CTNNA2: variants seen among roughly 807,000 people sequenced by gnomAD.
CTNNA2 encodes catenin alpha-2.
A neutral mutation model predicts 101.0 loss-of-function variants in CTNNA2; 42 were observed. The ratio of observed to expected loss-of-function variants is 0.42; its 90% confidence interval spans 0.32 to 0.54. The LOEUF (loss-of-function observed/expected upper bound fraction) is 0.54. Ranked by LOEUF, CTNNA2 falls within the 20% of genes least tolerant of loss-of-function variation. CTNNA2 has a pLI of 0.14. For synonymous variants in CTNNA2, 450 were observed against 456.4 expected (o/e 0.99, Z 0.18); for missense variants, 871 against 1,223.1 (o/e 0.71, Z 4.29).
upstream of CTNNA2, among the ~76,000 whole-genome samples, chr2:79,508,911 T>C (rs1671469432): frequency 7.1e-6 from 1 of 139,972 alleles, no homozygotes; most frequent in African/African-American, 2.7e-5. Flanking sequence ...CCCAAAACAC[T>C]CATTCTGTTT....
At chr2:80,473,979 T>C (rs1685515950) in intron 9 of CTNNA2, among the ~76,000 whole-genome samples, 1 of 152,200 alleles carries the variant, frequency 6.6e-6, no homozygotes, top group African/African-American at 2.4e-5. Flanking sequence ...TGTCTTACAT[T>C]CCTGCCCAGC....
At chr2:80,420,265 G>A (rs978643293) in intron 9 of CTNNA2, among the ~76,000 whole-genome samples, 1 of 152,074 alleles carries the variant, frequency 6.6e-6, no homozygotes, top group South Asian at 2.1e-4. Context: ...TTTAGGAGCT[G>A]AAAACGAACA....
intron 6 of CTNNA2, among the ~76,000 whole-genome samples, chr2:79,884,925 G>A (rs1056481053): frequency 1.3e-5 from 2 of 151,994 alleles, no homozygotes; most frequent in African/African-American, 4.8e-5. Flanking sequence ...TAACTGTGAG[G>A]ATAAAATAAT....
chr2:79,622,016 C>T (rs1472662107), intron 1 of CTNNA2, among the ~76,000 whole-genome samples: 1 of 152,104 alleles, frequency 6.6e-6, no homozygotes, highest in East Asian at 1.9e-4. Flanking sequence ...GACATGAAGA[C>T]TAAATGTAAT....
rs115730753 is a variant in CTNNA2, at chr2:79,226,561, G to A, written c.-406+28485G>A. Among the ~76,000 whole-genome samples, 1,281 of 152,222 alleles carry A rather than the reference G, an allele frequency of 8.4e-3. 20 individuals carry two copies. The highest frequency in any genetic ancestry group is 0.029 in the African/African-American group (1,184 of 41,528). On this transcript the variant is annotated intron_variant, in intron 2 of 21. Coordinates refer to the CTNNA2 transcript ENST00000466387. ...AGCAGATATAGGGAGCATAGCGGAC[G>A]TTGTGTTCAGGTGCCAGAATTTGCC... is the stretch of plus-strand genomic sequence containing the variant.
intron 4 of CTNNA2, among the ~76,000 whole-genome samples, chr2:79,440,125 G>A (rs1391828762): frequency 6.6e-6 from 1 of 152,046 alleles, no homozygotes; most frequent in South Asian, 2.1e-4. Flanking sequence ...TGTTTCTAAA[G>A]GTTCTATTAA....
chr2:80,479,551 G>A (rs899926227), intron 9 of CTNNA2, among the ~76,000 whole-genome samples: 7 of 152,078 alleles, frequency 4.6e-5, no homozygotes, highest in Non-Finnish European at 7.4e-5. Flanking sequence ...AGTTTTTAGA[G>A]GGCTTTTATA....
At chr2:79,933,291 C>A (rs1010157688) in intron 7 of CTNNA2, among the ~76,000 whole-genome samples, 9 of 152,064 alleles carry the variant, frequency 5.9e-5, no homozygotes, top group African/African-American at 2.2e-4. Flanking sequence ...TGTGTACCCA[C>A]CATGTTACGG....
rs199670781 is a variant in CTNNA2 at position 79,942,579 on chromosome 2, G to C, written c.1056+32782G>C. Among the ~76,000 whole-genome samples, 4 of 152,318 alleles carry C rather than the reference G, an allele frequency of 2.6e-5. No homozygotes were observed. The East Asian group carries it at 7.7e-4, about 29-fold the overall frequency. Reference sequence around the variant, plus strand: ...CAGGTACTCTGATGGTAGGAACAGTGTGCCAAATGAGGAGGTCTTGCCAAT... The same window carrying C: ...CAGGTACTCTGATGGTAGGAACAGTCTGCCAAATGAGGAGGTCTTGCCAAT... On this transcript the variant is annotated intron_variant, in intron 7 of 18. Coordinates refer to ENST00000402739, the MANE Select transcript of CTNNA2 (RefSeq NM_001282597.3).
At chr2:79,592,811 A>G (rs1045446523) in intron 1 of CTNNA2, among the ~76,000 whole-genome samples, 17 of 152,162 alleles carry the variant, frequency 1.1e-4, no homozygotes, top group Non-Finnish European at 2.1e-4. Flanking sequence ...CTATCCAGCT[A>G]ATTTTTCTGC....
chr2:79,851,763 A>T (rs1341526875), intron 3 of CTNNA2, among the ~76,000 whole-genome samples: 14 of 90,916 alleles, frequency 1.5e-4, no homozygotes, highest in African/African-American at 6.6e-4. Flanking sequence ...TTTTTTTGAG[A>T]CAGAATCTCA....
intron 9 of CTNNA2, among the ~76,000 whole-genome samples, chr2:80,453,284 A>G (rs971281070): frequency 3.3e-5 from 5 of 152,108 alleles, no homozygotes; most frequent in Admixed American, 3.3e-4. Context: ...GGCATGGCCA[A>G]GGTTGGTAGG....
chr2:80,050,524 G>A (rs539224866), intron 7 of CTNNA2, among the ~76,000 whole-genome samples: 9 of 152,252 alleles, frequency 5.9e-5, no homozygotes, highest in Middle Eastern at 3.4e-3. Context: ...TTGAGATAGC[G>A]GGCCCTTGCT....
rs541061778 is a variant in CTNNA2 at position 79,193,466 on chromosome 2, G to A, written c.-523-4493G>A. 2.6e-5 allele frequency among the ~76,000 whole-genome samples: 4 copies of A among 152,268 alleles called. No individual in the cohort carries two copies. In the East Asian group the frequency reaches 7.7e-4, roughly 29 times the overall value. ...CAGGTACGTACCCTAGGAACAGTAGGCTATATCATGTACCCAAAGTATGTA... is the reference window on the plus strand; with the variant it reads ...CAGGTACGTACCCTAGGAACAGTAGACTATATCATGTACCCAAAGTATGTA... On this transcript the variant is annotated intron_variant, in intron 1 of 21. Coordinates refer to the CTNNA2 transcript ENST00000466387.
rs192962381 is a variant in CTNNA2 at position 79,269,936 on chromosome 2, G to A, written c.-405-42773G>A. On this transcript the variant is annotated intron_variant, in intron 2 of 21. Coordinates refer to the CTNNA2 transcript ENST00000466387. The stretch of plus-strand genomic sequence containing the variant: ...GCTATAAACTTTATTTAGGGCCCTG[G>A]GTTTAGAATCCAGTACAGGATGGCC... Among the ~76,000 whole-genome samples the A allele has an allele frequency of 2.0e-3, 307 of 152,196 alleles. 1 individual carries two copies. The highest frequency in any genetic ancestry group is 7.2e-3 in the African/African-American group (298 of 41,548).
chr2:80,406,562 C>G (rs1401598358), intron 8 of CTNNA2, among the ~76,000 whole-genome samples: 1 of 152,058 alleles, frequency 6.6e-6, no homozygotes, highest in Non-Finnish European at 1.5e-5. Context: ...CGTGGTGGCT[C>G]ACGCCTGTAA....
At chr2:79,699,285 T>C (rs1684837154) in intron 2 of CTNNA2, among the ~76,000 whole-genome samples, 1 of 152,116 alleles carries the variant, frequency 6.6e-6, no homozygotes, top group South Asian at 2.1e-4. Flanking sequence ...CCTGTGACCT[T>C]GGAGAATTTA....
intron 4 of CTNNA2, among the ~76,000 whole-genome samples, chr2:79,455,571 G>T (rs1355371042): frequency 6.6e-6 from 1 of 152,092 alleles, no homozygotes; most frequent in African/African-American, 2.4e-5. Context: ...CTCCCTTGTT[G>T]TTGTCTATTA....
intron 7 of CTNNA2, among the ~76,000 whole-genome samples, chr2:80,181,174 G>A (rs1023181735): frequency 1.3e-5 from 2 of 152,182 alleles, no homozygotes; most frequent in African/African-American, 4.8e-5. Flanking sequence ...CAGGTTTGGG[G>A]TGGGTCCTAA....
Sources: gnomAD v4.1 joint callset for allele counts (sites outside exome capture counted in the v4.1 genomes callset) on GRCh38, gnomAD v4.1.1 for gene constraint, MANE v1.5 for transcripts, NCBI Gene and HGNC (gene_info 2026-07-23, HGNC 2026-07-21) for gene names.